The following ATRNL1 variants were observed in gnomAD, a reference collection of about 807,000 sequenced individuals.
ATRNL1 encodes attractin-like protein 1.
A neutral mutation model predicts 182.7 loss-of-function variants in ATRNL1; 95 were observed. The ratio of observed to expected loss-of-function variants is 0.52; its 90% confidence interval spans 0.44 to 0.62. The LOEUF (loss-of-function observed/expected upper bound fraction) is 0.62. Among genes scored for constraint, ATRNL1 ranks in the 20% least tolerant of loss-of-function variants. ATRNL1 has a pLI of 0.00. For missense variants in ATRNL1, 1,471 were observed against 1,679.5 expected (o/e 0.88, Z 2.17); for synonymous variants, 576 against 568.3 (o/e 1.01, Z -0.19).
chr10:115,713,711 T>TCTATCATCTATCTAG (rs1947154888), intron 26 of ATRNL1, among the ~76,000 whole-genome samples: 11 of 142,390 alleles, frequency 7.7e-5, no homozygotes, highest in African/African-American at 3.0e-4. Flanking sequence ...CTATCATCTA[T>TCTATCATCTATCTAG]CTATCTATCT....
At chr10:115,110,516 T>G (rs189442388) in intron 1 of ATRNL1, among the ~76,000 whole-genome samples, 1 of 152,296 alleles carries the variant, frequency 6.6e-6, no homozygotes, top group Admixed American at 6.5e-5. Context: ...TGAATAAGCC[T>G]GGAAGTGGAT....
intron 26 of ATRNL1, among the ~76,000 whole-genome samples, chr10:115,675,716 A>G (rs782514520): frequency 2.0e-5 from 3 of 152,104 alleles, no homozygotes; most frequent in Admixed American, 6.6e-5. Context: ...ACCTGGCAAG[A>G]TGTTGTTAAT....
intron 19 of ATRNL1, among the ~76,000 whole-genome samples, chr10:115,370,749 A>G (rs1278614465): frequency 1.3e-5 from 2 of 152,150 alleles, no homozygotes; most frequent in Admixed American, 6.5e-5. Context: ...AGAACATCCC[A>G]TTTTTCTGAG....
At chr10:115,594,961 A>T (rs183462325) in intron 26 of ATRNL1, among the ~76,000 whole-genome samples, 2 of 152,286 alleles carry the variant, frequency 1.3e-5, no homozygotes, top group Non-Finnish European at 2.9e-5. Flanking sequence ...TAAACATTCT[A>T]TTGAGGTGTA....
intron 27 of ATRNL1, among the ~76,000 whole-genome samples, chr10:115,729,638 C>CATA: frequency 6.6e-6 from 1 of 151,392 alleles, no homozygotes; most frequent in Non-Finnish European, 1.5e-5. Flanking sequence ...TTTTATGTTG[C>CATA]TTATAGCTAC....
intron 14 of ATRNL1, 126 bp downstream of exon 14, chr10:115,281,613 A>G: frequency 1.1e-6 from 1 of 904,400 alleles, no homozygotes; most frequent in East Asian, 2.7e-5. Flanking sequence ...AACCTATAAT[A>G]TTGTAGTACT....
chr10:115,247,411 A>T (rs552079157), intron 10 of ATRNL1, among the ~76,000 whole-genome samples: 40 of 152,370 alleles, frequency 2.6e-4, no homozygotes, highest in Admixed American at 2.4e-3. Context: ...ACAAATAACC[A>T]ATAATATATG....
At position 115,160,135 on chromosome 10, in the gene ATRNL1, A is replaced by G; in HGVS notation, c.925A>G (p.Lys309Glu). 1 of 1,612,810 alleles carries G rather than the reference A, an allele frequency of 6.2e-7. No individual in the cohort carries two copies. Among genetic ancestry groups the G allele is most frequent in the African/African-American group, 1.3e-5 (1 of 74,916 alleles). ...TCCTTCTGTAGGTCGGGCTTCACAT[A>G]AAGCAGTTTTACACGGGAAATTTAT... ...FSPSVGRASH[K>E]AVLHGKFMWV... The change falls in exon 6 of 29, where the codon AAA becomes GAA. Residue 309 changes from lysine (K) to glutamate (E), a missense_variant. Lys to Glu is a moderately conservative substitution (Grantham distance 56). Coordinates refer to ENST00000355044, the MANE Select transcript of ATRNL1 (RefSeq NM_207303.4).
intron 19 of ATRNL1, among the ~76,000 whole-genome samples, chr10:115,365,261 A>G (rs1354613469): frequency 3.3e-5 from 5 of 152,062 alleles, no homozygotes; most frequent in African/African-American, 7.2e-5. Context: ...GAGTGTATGT[A>G]TCGAGGAATT....
chr10:115,811,361 T>C (rs887509930), intron 27 of ATRNL1, among the ~76,000 whole-genome samples: 1 of 152,104 alleles, frequency 6.6e-6, no homozygotes, highest in South Asian at 2.1e-4. Flanking sequence ...TTTTTTAATT[T>C]GTTAAGGTTT....
At chr10:115,214,981 G>A (rs1487634220) in intron 8 of ATRNL1, among the ~76,000 whole-genome samples, 3 of 152,168 alleles carry the variant, frequency 2.0e-5, no homozygotes, top group African/African-American at 7.2e-5. Flanking sequence ...ATTTGCCACT[G>A]AGCAACTAAA....
At chr10:115,552,157 AT>A (rs1554995717) in intron 26 of ATRNL1, among the ~76,000 whole-genome samples, 1 of 151,338 alleles carries the variant, frequency 6.6e-6, no homozygotes, top group Non-Finnish European at 1.5e-5. Flanking sequence ...ATTGTTTTTC[AT>A]TTTGGTCTTA....
chr10:115,641,926 C>T (rs1859271008), intron 26 of ATRNL1, among the ~76,000 whole-genome samples: 1 of 151,838 alleles, frequency 6.6e-6, no homozygotes. Flanking sequence ...TTATTATAAT[C>T]ATTTCATGAG....
intron 27 of ATRNL1, among the ~76,000 whole-genome samples, chr10:115,818,187 T>A (rs1454266926): frequency 1.0e-4 from 1 of 9,848 alleles, no homozygotes; most frequent in Non-Finnish European, 1.7e-4. Context: ...TTGATTCCGT[T>A]TTTTTTTTTT....
At chr10:115,653,745 A>G (rs1211655431) in intron 26 of ATRNL1, among the ~76,000 whole-genome samples, 1 of 152,094 alleles carries the variant, frequency 6.6e-6, no homozygotes, top group Non-Finnish European at 1.5e-5. Context: ...CAACACTCTA[A>G]GCTCCTTGTT....
chr10:115,224,622 A>G (rs1849620713), intron 9 of ATRNL1, among the ~76,000 whole-genome samples: 1 of 152,130 alleles, frequency 6.6e-6, no homozygotes, highest in Non-Finnish European at 1.5e-5. Flanking sequence ...GATTACTTAA[A>G]TAATCCATGC....
intron 26 of ATRNL1, among the ~76,000 whole-genome samples, chr10:115,689,356 T>C (rs1555047347): frequency 6.6e-6 from 1 of 152,206 alleles, no homozygotes; most frequent in Non-Finnish European, 1.5e-5. Context: ...ATTTGAAATC[T>C]TTTTGGCTTT....
intron 14 of ATRNL1, among the ~76,000 whole-genome samples, chr10:115,283,230 A>G (rs1410896681): frequency 1.3e-5 from 2 of 152,106 alleles, no homozygotes; most frequent in Non-Finnish European, 2.9e-5. Context: ...CCTGGCCATC[A>G]TGGTGAAACC....
intron 1 of ATRNL1, among the ~76,000 whole-genome samples, chr10:115,096,375 G>T (rs1480357205): frequency 2.0e-5 from 3 of 152,128 alleles, no homozygotes; most frequent in Admixed American, 6.5e-5. Flanking sequence ...TAGTAGAAAA[G>T]AATTCTTCTT....
Sources: allele counts gnomAD v4.1 joint callset (sites outside exome capture counted in the v4.1 genomes callset), GRCh38; gene constraint gnomAD v4.1.1; transcripts MANE v1.5; gene names NCBI Gene and HGNC (gene_info 2026-07-23, HGNC 2026-07-21).